SEMA3A: variants seen among roughly 807,000 people sequenced by gnomAD.
SEMA3A encodes semaphorin-3A.
SEMA3A carries 29 observed loss-of-function variants against 97.9 expected under a neutral mutation model. That is an observed-to-expected ratio of 0.30 (90% CI 0.22 to 0.40). SEMA3A has a LOEUF of 0.40. SEMA3A is among the 10% of genes least tolerant of loss of function. The probability of loss-of-function intolerance (pLI) is 1.00; values close to 1 mark genes in which losing one functional copy is unlikely to be tolerated. For synonymous variants in SEMA3A, 321 were observed against 323.7 expected, an observed-to-expected ratio of 0.99 and a Z score of 0.09; for missense variants, 763 against 951.3, an observed-to-expected ratio of 0.80 and a Z score of 2.60.
intron 2 of SEMA3A, among the ~76,000 whole-genome samples, chr7:84,367,879 T>C (rs1163731279): frequency 6.6e-6 from 1 of 151,202 alleles, no homozygotes; most frequent in Non-Finnish European, 1.5e-5. Flanking sequence ...ACAATTCTGT[T>C]TATCTAAAAG....
intron 6 of SEMA3A, among the ~76,000 whole-genome samples, chr7:84,028,835 G>A (rs575991998): frequency 6.6e-6 from 1 of 152,160 alleles, no homozygotes; most frequent in Non-Finnish European, 1.5e-5. Flanking sequence ...CAGCCAGGAT[G>A]GTCTCAATCT....
In SEMA3A at chr7:84,065,257, C is replaced by T. The variant is rs866322661; in HGVS notation, c.454-4699G>A. 3.9e-3 allele frequency among the ~76,000 whole-genome samples: 493 copies of T among 126,276 alleles called. 1 individual carries two copies. Among genetic ancestry groups the T allele is most frequent in the Middle Eastern group, 0.019 (5 of 270 alleles). 82.8% of individuals were successfully genotyped at this position (126,276 alleles called of 152,430 possible). ...ACACAACATACCAGAATCTCTGGGA[C>T]GCATTCAAAGCAGTGTGTAGAGGGA... On this transcript the variant is annotated intron_variant, in intron 4 of 16. Transcript: ENST00000265362.
chr7:84,056,046 C>G (rs10270148), intron 5 of SEMA3A, among the ~76,000 whole-genome samples: 2 of 152,068 alleles, frequency 1.3e-5, no homozygotes, highest in Non-Finnish European at 2.9e-5. Context: ...ACCACATGGG[C>G]AGTTTAACAT....
At chr7:84,381,146 C>T (rs970851216) in intron 1 of SEMA3A, among the ~76,000 whole-genome samples, 14 of 152,040 alleles carry the variant, frequency 9.2e-5, no homozygotes, top group Admixed American at 3.3e-4. Flanking sequence ...TAAAACATTG[C>T]CCTTTACACT....
At chr7:84,240,440 AC>A (rs1230557731) in intron 3 of SEMA3A, among the ~76,000 whole-genome samples, 7 of 152,094 alleles carry the variant, frequency 4.6e-5, no homozygotes, top group Non-Finnish European at 8.8e-5. Flanking sequence ...TTGGGCATAT[AC>A]CCAGAAGGCC....
intron 1 of SEMA3A, among the ~76,000 whole-genome samples, chr7:84,419,358 A>G (rs1253211531): frequency 6.6e-6 from 1 of 152,140 alleles, no homozygotes; most frequent in East Asian, 1.9e-4. Flanking sequence ...CTTAAATGAT[A>G]CAGCTATGTA....
Position 84,011,015 on chromosome 7 carries a change from T to A in SEMA3A, c.995+7A>T. 1.9e-6 allele frequency: 3 copies of A among 1,589,616 alleles called. No homozygotes were observed. The highest frequency in any genetic ancestry group is 2.6e-6 in the Non-Finnish European group (3 of 1,163,432). The stretch of plus-strand genomic sequence containing the variant: ...AGTTTCTATAAGGTAGTTAAAAAGT[T>A]ACTTACCTGGAAGTCGTAAACACTC... On this transcript the variant is annotated splice_region_variant and intron_variant, in intron 9 of 16. Coordinates refer to ENST00000265362, the MANE Select transcript of SEMA3A (RefSeq NM_006080.3).
intron 2 of SEMA3A, among the ~76,000 whole-genome samples, chr7:84,326,715 A>G (rs1801783634): frequency 6.6e-6 from 1 of 152,044 alleles, no homozygotes; most frequent in Admixed American, 6.6e-5. Context: ...AAAACAAACA[A>G]TAGGGAAAAG....
chr7:84,485,705 T>C (rs945197714), intron 1 of SEMA3A, among the ~76,000 whole-genome samples: 1 of 152,178 alleles, frequency 6.6e-6, no homozygotes, highest in African/African-American at 2.4e-5. Context: ...TTACCAGTAC[T>C]AACAATTTTC....
chr7:84,058,463 A>G (rs564077656), intron 5 of SEMA3A, among the ~76,000 whole-genome samples: 3 of 152,310 alleles, frequency 2.0e-5, no homozygotes, highest in East Asian at 3.9e-4. Context: ...GGGGAACTAA[A>G]TGTACCATAA....
chr7:84,051,114 C>A (rs1429822149), intron 5 of SEMA3A, among the ~76,000 whole-genome samples: 2 of 149,880 alleles, frequency 1.3e-5, no homozygotes, highest in Non-Finnish European at 3.0e-5. Flanking sequence ...TTACTGTAGC[C>A]TTGTAGTATA....
At chr7:84,153,266 G>A (rs1018662025) in intron 1 of SEMA3A, among the ~76,000 whole-genome samples, 6 of 152,124 alleles carry the variant, frequency 3.9e-5, no homozygotes, top group African/African-American at 1.5e-4. Context: ...CAACAGACTT[G>A]AAATTAAAAG....
chr7:84,086,794 G>A (rs1325089856), intron 4 of SEMA3A, among the ~76,000 whole-genome samples: 1 of 150,702 alleles, frequency 6.6e-6, no homozygotes, highest in Non-Finnish European at 1.5e-5. Flanking sequence ...ACATCAGCTA[G>A]GTTTTTGCCC....
intron 5 of SEMA3A, among the ~76,000 whole-genome samples, chr7:84,054,436 T>G (rs1003289366): frequency 2.7e-4 from 41 of 152,284 alleles, no homozygotes; most frequent in African/African-American, 9.9e-4. Flanking sequence ...TTCTCTAAAC[T>G]TCCCTTCTCG....
At chr7:84,083,549 T>C (rs1234372094) in intron 4 of SEMA3A, among the ~76,000 whole-genome samples, 2 of 151,980 alleles carry the variant, frequency 1.3e-5, no homozygotes, top group Non-Finnish European at 2.9e-5. Context: ...CTAAATCTTC[T>C]TCCTTTTATT....
At chr7:84,166,716 C>CA (rs1332885376) in intron 1 of SEMA3A, among the ~76,000 whole-genome samples, 8 of 148,044 alleles carry the variant, frequency 5.4e-5, no homozygotes, top group African/African-American at 7.4e-5. Context: ...ACTAAAAATA[C>CA]AAAAAAAAAT....
chr7:84,217,232 C>T (rs1215412993), intron 3 of SEMA3A, among the ~76,000 whole-genome samples: 1 of 152,072 alleles, frequency 6.6e-6, no homozygotes, highest in East Asian at 1.9e-4. Flanking sequence ...GTGTTTCAAG[C>T]AAAAATTAAT....
At chr7:84,267,193 T>A (rs1454153497) in intron 3 of SEMA3A, among the ~76,000 whole-genome samples, 2 of 152,140 alleles carry the variant, frequency 1.3e-5, no homozygotes, top group African/African-American at 4.8e-5. Context: ...GCTAAACCAG[T>A]ATAATACAAA....
At chr7:84,109,040 T>G (rs1340308683) in intron 4 of SEMA3A, among the ~76,000 whole-genome samples, 2 of 152,066 alleles carry the variant, frequency 1.3e-5, no homozygotes, top group Non-Finnish European at 2.9e-5. Flanking sequence ...GAGGGAGTTC[T>G]CTAGAGCTAT....
Sources: gnomAD v4.1 joint callset for allele counts (sites outside exome capture counted in the v4.1 genomes callset) on GRCh38, gnomAD v4.1.1 for gene constraint, MANE v1.5 for transcripts, NCBI Gene and HGNC (gene_info 2026-07-23, HGNC 2026-07-21) for gene names.